Variants in MYO1C observed in about 807,000 individuals in gnomAD.
MYO1C encodes the protein myosin IC.
Under a neutral mutation model 150.8 loss-of-function variants are expected in MYO1C, and 104 were observed. The ratio of observed to expected loss-of-function variants is 0.69; its 90% CI spans 0.59 to 0.81. The LOEUF is 0.81. Among genes scored for constraint, MYO1C ranks in the 30% least tolerant of loss-of-function variants. The pLI is 0.00. For missense variants in MYO1C, 1,504 were observed against 1,435.0 expected (o/e 1.05, Z -0.78); for synonymous variants, 663 against 579.9 (o/e 1.14, Z -2.06).
intron 1 of MYO1C, chr17:1,491,732 G>A: frequency 2.4e-6 from 2 of 819,006 alleles, no homozygotes; most frequent in Non-Finnish European, 2.9e-6. Flanking sequence ...ATCCCGGGCA[G>A]GGCCGCGCAC....
chr17:1,481,602 G>GCCCGGAGTT (rs1463393892), intron 5 of MYO1C, among the ~76,000 whole-genome samples: 4 of 151,668 alleles, frequency 2.6e-5, no homozygotes, highest in Non-Finnish European at 4.4e-5. Flanking sequence ...CCGGGTTCAA[G>GCCCGGAGTT]CAATTCTCCT....
rs1471832855 is a variant in MYO1C, at chr17:1,465,574, C to T, written c.*152G>A. The T allele has an allele frequency of 6.9e-6, 6 of 866,002 alleles. No homozygotes were observed. Among genetic ancestry groups the T allele is most frequent in the Non-Finnish European group, 8.1e-6 (5 of 616,862 alleles). The allele number at this position is 866,002 out of a possible 1,614,324, so 53.6% of individuals were successfully genotyped here. On this transcript the variant is annotated 3_prime_UTR_variant, in exon 32 of 32. Transcript: ENST00000648651. Reference sequence around the variant, plus strand: ...TAGCTCCTGGCCCCTGCTGCTCCCTCAAGAGAGGGATGGGCAGGAGGTGGG... The same window carrying T: ...TAGCTCCTGGCCCCTGCTGCTCCCTTAAGAGAGGGATGGGCAGGAGGTGGG...
At chr17:1,491,447 A>AC (rs891129765) in intron 1 of MYO1C, among the ~76,000 whole-genome samples, 4,274 of 53,892 alleles carry the variant, frequency 0.079, 259 homozygotes, top group Non-Finnish European at 0.12. Context: ...GGGTCGTGGG[A>AC]CCCCCCCCCC....
intron 1 of MYO1C, chr17:1,484,568 A>G: frequency 5.2e-6 from 3 of 580,922 alleles, no homozygotes; most frequent in South Asian, 2.0e-5. Flanking sequence ...CAGAGACAAC[A>G]TGAACCACTT....
Position 1,479,119 on chromosome 17 carries a change from C to T in MYO1C, c.1092+312G>A, listed in dbSNP as rs1384506188. 5.9e-5 allele frequency among the ~76,000 whole-genome samples: 9 copies of T among 152,122 alleles called. No individual in the cohort carries two copies. The highest frequency in any genetic ancestry group is 1.2e-4 in the African/African-American group (5 of 41,438). The stretch of plus-strand genomic sequence containing the variant: ...AAGCGATTCTCCTGCCTCAGCCTCC[C>T]GAGTAGCTGGGATTACAGGCGCCCG... On this transcript the variant is annotated intron_variant, in intron 9 of 31. Transcript: ENST00000648651. The surrounding 1 kb of genome is among the most constrained non-coding windows in gnomAD (Gnocchi z 4.2).
intron 25 of MYO1C, chr17:1,468,745 A>G (rs1028533402): frequency 5.3e-6 from 3 of 562,410 alleles, no homozygotes; most frequent in African/African-American, 1.9e-5. Context: ...GGCCTTGGTA[A>G]TGCTTCCCCA....
At chr17:1,476,788 GT>G (rs2074409417) in intron 14 of MYO1C, among the ~76,000 whole-genome samples, 1 of 151,654 alleles carries the variant, frequency 6.6e-6, no homozygotes, top group Non-Finnish European at 1.5e-5. Context: ...ATCTTAGCAA[GT>G]TTCATTCTCA....
chr17:1,467,193 G>T, intron 31 of MYO1C, 49 bp downstream of exon 31: 1 of 1,530,362 alleles, frequency 6.5e-7, no homozygotes, highest in Non-Finnish European at 8.9e-7. Context: ...GCCAAGGAAG[G>T]CTTGGCTATC....
chr17:1,488,093 TGGCAGGAGCCAGCGGGGGCGC>T (rs562690517), intron 1 of MYO1C, among the ~76,000 whole-genome samples: 5 of 152,102 alleles, frequency 3.3e-5, no homozygotes, highest in African/African-American at 4.8e-5. Context: ...GCCGGGGGCG[TGGCAGGAGCCAGCGGGGGCGC>T]GGCCAGAGGA....
At position 1,480,746 on chromosome 17, in the gene MYO1C, C is replaced by T. The variant is rs1251986931; in HGVS notation, c.767G>A (p.Gly256Asp). The T allele has an allele frequency of 6.2e-7, 1 of 1,614,188 alleles. No individual in the cohort carries two copies. The highest frequency in any genetic ancestry group is 1.3e-5 in the African/African-American group (1 of 75,048). ...GTAGCTCTGGGGGTTCCGTTCCAAGCCCAGCCTGCGAAGAGTCTCCTCCTC... is the reference window on the plus strand; with the variant it reads ...GTAGCTCTGGGGGTTCCGTTCCAAGTCCAGCCTGCGAAGAGTCTCCTCCTC... ...GGEEETLRRLGLERNPQSYLY... is the reference protein window; with the variant it reads ...GGEEETLRRLDLERNPQSYLY... The change falls in exon 6 of 32, where the codon GGC becomes GAC. Residue 256 changes from glycine (G) to aspartate (D), a missense_variant. Gly to Asp is a moderately conservative substitution (Grantham distance 94, BLOSUM62 -1). Transcript: ENST00000648651.
At chr17:1,487,139 CACCTCCAGACCCCCTATAG>C (rs1351114699) in intron 1 of MYO1C, 2 of 152,426 alleles carry the variant, frequency 1.3e-5, no homozygotes, top group African/African-American at 2.4e-5. Flanking sequence ...AGCGTGAAGG[CACCTCCAGACCCCCTATAG>C]ACCTCGCTGC....
rs540764663 is a variant in MYO1C at position 1,483,052 on chromosome 17, C to T, written c.355G>A (p.Val119Met). Residue 119 changes from valine (V) to methionine (M), a missense_variant, in exon 4 of 32, where the codon GTG (valine) becomes ATG (methionine). Transcript: ENST00000648651. The part of the protein sequence containing the change: ...FYEVPPHLFA[V>M]ADTVYRALRT... ...AGTGCTCGGTACACAGTGTCCGCCA[C>T]GGCAAACCTGGGGCGGAGGCTCGTC... 3.6e-5 allele frequency: 58 copies of T among 1,605,790 alleles called. No individual in the cohort carries two copies. Among genetic ancestry groups the T allele is most frequent in the East Asian group, 3.4e-4 (15 of 44,672 alleles).
rs1272653739 is a variant in MYO1C at position 1,484,253 on chromosome 17, G to A, written c.126C>T (p.Ala42=). 6.2e-6 allele frequency: 10 copies of A among 1,612,334 alleles called. No homozygotes were observed. Among genetic ancestry groups the A allele is most frequent in the African/African-American group, 1.3e-5 (1 of 74,922 alleles). The change falls in exon 2 of 32, where the codon GCC becomes GCT. Residue 42 remains alanine (A), a synonymous_variant. Coordinates refer to ENST00000648651, the MANE Select transcript of MYO1C (RefSeq NM_001080779.2). Reference sequence around the variant, plus strand: ...AATCCTGCACCCCCACCCGGTCACGGGCGGTGAGCGCACTCTCCATGGTCA... The same window carrying A: ...AATCCTGCACCCCCACCCGGTCACGAGCGGTGAGCGCACTCTCCATGGTCA... ...VRVTMESALT[A]RDRVGVQDFV...
Position 1,474,963 on chromosome 17 carries a change from C to G in MYO1C, c.1644G>C (p.Ala548=), listed in dbSNP as rs551011507. 1.0e-5 allele frequency: 16 copies of G among 1,578,432 alleles called. No homozygotes were observed. The highest frequency in any genetic ancestry group is 3.7e-5 in the Admixed American group (2 of 54,024). ...GRGEFRLLHY[A]GEVTYSVTGF... is the part of the protein sequence containing the mutation. ...CGGTCACGCTGTAGGTCACCTCCCC[C>G]GCATAGTGCAGAAGGCGGAATTCCC... Residue 548 remains alanine, a synonymous_variant, in exon 15 of 32, where the codon GCG becomes GCC. Transcript: ENST00000648651.
Position 1,482,536 on chromosome 17 carries a change from A to G in MYO1C, c.569T>C (p.Leu190Pro), listed in dbSNP as rs753720171. 1.9e-6 allele frequency: 3 copies of G among 1,613,960 alleles called. No individual in the cohort carries two copies. The highest frequency in any genetic ancestry group is 8.5e-7 in the Non-Finnish European group (1 of 1,179,928). Residue 190 changes from leucine (L) to proline (P), a missense_variant, in exon 5 of 32, where the codon CTC becomes CCC. Leu to Pro is a moderately conservative substitution (Grantham distance 98). Transcript: ENST00000648651. The stretch of plus-strand genomic sequence containing the variant: ...GAACCTGCTGGAGTTATCGTTCCGG[A>G]GGGTCTTGGCATTTCCAAAGGCCTA... The part of the protein sequence containing the change: ...VLEAFGNAKT[L>P]RNDNSSRFGK...
At position 1,478,460 on chromosome 17, in the gene MYO1C, C is replaced by A. The variant is rs757721051; in HGVS notation, c.1245G>T (p.Thr415=). The change falls in exon 11 of 32, where the codon ACG becomes ACT. Residue 415 remains threonine, a synonymous_variant. Coordinates refer to ENST00000648651, the MANE Select transcript of MYO1C (RefSeq NM_001080779.2). The surrounding 1 kb of genome is among the most constrained non-coding windows in gnomAD (Gnocchi z 6.3). ...CATAAATATCCAGGAGCCCGAGAAC[C>A]GTGGTGCTCCGCCAGCTGGGGCTCT... ...DVESPSWRST[T]VLGLLDIYGF... is the part of the protein sequence containing the mutation. 2 of 1,614,186 alleles carry A rather than the reference C, an allele frequency of 1.2e-6. No individual in the cohort carries two copies. The highest frequency in any genetic ancestry group is 1.1e-5 in the South Asian group (1 of 91,088).
rs1302890890 is a variant in MYO1C at position 1,468,283 on chromosome 17, C to T, written c.2730G>A (p.Val910=). 1 of 1,613,886 alleles carries T rather than the reference C, an allele frequency of 6.2e-7. No individual in the cohort carries two copies. The highest frequency in any genetic ancestry group is 1.1e-5 in the South Asian group (1 of 91,074). Residue 910 remains valine (V), a synonymous_variant, in exon 27 of 32, where the codon GTG becomes GTA. Coordinates refer to ENST00000648651, the MANE Select transcript of MYO1C (RefSeq NM_001080779.2). ...TGGGCTCAGAGCCCAAGGCCTGCAG[C>T]ACTCGGGGGCTGATCTCATCTGTAC... The part of the protein sequence containing the change: ...RLGTDEISPR[V]LQALGSEPIQ...
At position 1,482,966 on chromosome 17, in the gene MYO1C, G is replaced by C. The variant is rs751201105; in HGVS notation, c.441C>G (p.Thr147=). 12 of 1,611,952 alleles carry C rather than the reference G, an allele frequency of 7.4e-6. No homozygotes were observed. The South Asian group carries it at 9.9e-5, about 13-fold the overall frequency. ...MISGESGAGK[T]EATKRLLQFY... is the part of the protein sequence containing the mutation. ...ACTGCAGCAGCCTCTTGGTGGCCTCGGTCTTGCCTGCCCCGCTCTCCCCAG... is the reference window on the plus strand; with the variant it reads ...ACTGCAGCAGCCTCTTGGTGGCCTCCGTCTTGCCTGCCCCGCTCTCCCCAG... Residue 147 remains threonine (T), a synonymous_variant, in exon 4 of 32, where the codon ACC becomes ACG. Transcript: ENST00000648651.
intron 19 of MYO1C, 104 bp downstream of exon 19, chr17:1,471,803 G>C: frequency 7.9e-7 from 1 of 1,258,098 alleles, no homozygotes; most frequent in South Asian, 1.2e-5. Context: ...CTCCGCATCC[G>C]CATTTCTAAA....
Sources: gnomAD v4.1 joint callset for allele counts (sites outside exome capture counted in the v4.1 genomes callset) on GRCh38, gnomAD v4.1.1 for gene constraint, Gnocchi (gnomAD v3.1) non-coding constraint, MANE v1.5 for transcripts, NCBI Gene and HGNC (gene_info 2026-07-23, HGNC 2026-07-21) for gene names.